PAFAH1B1: variants seen among roughly 807,000 people sequenced by gnomAD.
The protein encoded by PAFAH1B1 is platelet-activating factor acetylhydrolase IB subunit beta.
In PAFAH1B1, 2 loss-of-function variants were observed where a neutral mutation model predicts 57.5. The ratio of observed to expected loss-of-function variants is 0.03; its 90% CI spans 0.01 to 0.11. The LOEUF is 0.11. Among genes scored for constraint, PAFAH1B1 ranks in the 10% least tolerant of loss-of-function variants. PAFAH1B1 has a pLI of 1.00. For missense variants in PAFAH1B1, 257 were observed against 512.0 expected (o/e 0.50, Z 4.81); for synonymous variants, 152 against 169.6 (o/e 0.90, Z 0.81).
At chr17:2,666,892 A>G (rs993076655) in intron 4 of PAFAH1B1, 100 bp from the exon 5 acceptor site, 2 of 780,016 alleles carry the variant, frequency 2.6e-6, no homozygotes, top group East Asian at 5.3e-5. Flanking sequence ...TTTTTCAAGT[A>G]TCCTACATAC....
intron 2 of PAFAH1B1, among the ~76,000 whole-genome samples, chr17:2,657,934 A>T (rs2068959408): frequency 6.6e-6 from 1 of 152,216 alleles, no homozygotes; most frequent in Non-Finnish European, 1.5e-5. Flanking sequence ...AAAAATATAA[A>T]TGTTTCAAAC....
intron 1 of PAFAH1B1, among the ~76,000 whole-genome samples, chr17:2,637,513 G>C (rs373161615): frequency 1.3e-5 from 2 of 152,234 alleles, no homozygotes; most frequent in African/African-American, 4.8e-5. Context: ...AAGCCCAGAG[G>C]GGGAAGGCTG....
intron 2 of PAFAH1B1, among the ~76,000 whole-genome samples, chr17:2,644,781 T>C (rs2068744558): frequency 6.6e-6 from 1 of 152,204 alleles, no homozygotes; most frequent in Non-Finnish European, 1.5e-5. Flanking sequence ...GTCTTCCAGA[T>C]GCTTTGTATG....
At chr17:2,608,991 A>G (rs1275347183) in intron 1 of PAFAH1B1, among the ~76,000 whole-genome samples, 1 of 152,210 alleles carries the variant, frequency 6.6e-6, no homozygotes, top group Non-Finnish European at 1.5e-5. Context: ...GAATACTGGC[A>G]GCCTTGTATT....
intron 2 of PAFAH1B1, chr17:2,641,726 G>A (rs906052536): frequency 6.6e-6 from 1 of 152,056 alleles, no homozygotes; most frequent in African/African-American, 2.4e-5. Context: ...CTTCTTAGTG[G>A]CGCATGATAT....
At position 2,685,099 on chromosome 17, in the gene PAFAH1B1, A is replaced by G. The variant is rs1332894905; in HGVS notation, c.*3297A>G. The G allele has an allele frequency of 1.3e-5, 2 of 148,658 alleles. No homozygotes were observed. Among genetic ancestry groups the G allele is most frequent in the East Asian group, 2.0e-4 (1 of 5,076 alleles). The allele number at this position is 148,658 out of a possible 1,614,324, so 9.2% of individuals were successfully genotyped here. A position where few individuals can be genotyped will look rare whatever the true frequency, so the allele number is the denominator to read the frequency against. ...CCAGTGTGTTCATCTAGATGACGCA[A>G]AGAATCTCCTGGTAGAGAAGCGACA... On this transcript the variant is annotated 3_prime_UTR_variant, in exon 11 of 11. Transcript: ENST00000397195.
intron 1 of PAFAH1B1, chr17:2,613,840 G>C (rs1444541882): frequency 3.9e-6 from 1 of 256,766 alleles, no homozygotes. Flanking sequence ...GCAGGAATCC[G>C]TAGCCTGGGA....
Position 2,617,478 on chromosome 17 carries a change from G to A in PAFAH1B1, c.-190-20621G>A, listed in dbSNP as rs192008311. 5.4e-3 allele frequency among the ~76,000 whole-genome samples: 826 copies of A among 152,316 alleles called. 6 individuals carry two copies. The highest frequency in any genetic ancestry group is 0.016 in the South Asian group (78 of 4,830). ...AACTTTTTCAGTGAACCATACCTGA[G>A]CACAGTCCATCCCTCAGTGATTTTA... On this transcript the variant is annotated intron_variant, in intron 1 of 10. Transcript: ENST00000397195.
intron 2 of PAFAH1B1, among the ~76,000 whole-genome samples, chr17:2,645,621 A>AT (rs1275899706): frequency 5.6e-5 from 8 of 143,938 alleles, no homozygotes; most frequent in African/African-American, 2.0e-4. Context: ...ATATATATAT[A>AT]TATTTTTTGT....
At position 2,653,237 on chromosome 17, in the gene PAFAH1B1, A is replaced by T. The variant is rs570280806; in HGVS notation, c.33-12135A>T. The stretch of plus-strand genomic sequence containing the variant: ...TTGAACAATGAGAACAGCTGGACAC[A>T]GGAAGGGGAACATCACACACCAGGG... On this transcript the variant is annotated intron_variant, in intron 2 of 10. Transcript: ENST00000397195. Among the ~76,000 whole-genome samples the T allele has an allele frequency of 7.2e-5, 11 of 152,256 alleles. No individual in the cohort carries two copies. The East Asian group carries it at 1.4e-3, about 19-fold the overall frequency.
At position 2,671,554 on chromosome 17, in the gene PAFAH1B1, A is replaced by C. The variant is rs542219479; in HGVS notation, c.569-1101A>C. On this transcript the variant is annotated intron_variant, in intron 6 of 10. Transcript: ENST00000397195. ...ATCTTCTAGCTGTAACTTTAAAAAG[A>C]GTTCTTTCTAATGCATTTTTTTTTT... Among the ~76,000 whole-genome samples, 84 of 130,390 alleles carry C rather than the reference A, an allele frequency of 6.4e-4. 1 individual carries two copies. The South Asian group carries it at 9.9e-3, about 15-fold the overall frequency. The allele number at this position is 130,390 out of a possible 152,430, so 85.5% of individuals were successfully genotyped here.
chr17:2,669,077 T>G (rs183963209), intron 5 of PAFAH1B1, among the ~76,000 whole-genome samples: 1 of 152,156 alleles, frequency 6.6e-6, no homozygotes, highest in Non-Finnish European at 1.5e-5. Context: ...TTACATATGA[T>G]ACAGTCTTAC....
intron 9 of PAFAH1B1, among the ~76,000 whole-genome samples, chr17:2,678,165 G>A (rs2069301636): frequency 1.3e-5 from 2 of 152,088 alleles, no homozygotes; most frequent in Non-Finnish European, 1.5e-5. Flanking sequence ...ACTTTGGGAG[G>A]CCGAGATGGG....
intron 9 of PAFAH1B1, among the ~76,000 whole-genome samples, chr17:2,679,131 A>C (rs2069321931): frequency 6.6e-6 from 1 of 152,080 alleles, no homozygotes; most frequent in African/African-American, 2.4e-5. Flanking sequence ...TTTTTTATAA[A>C]AATGGTATCA....
intron 1 of PAFAH1B1, among the ~76,000 whole-genome samples, chr17:2,631,623 T>C (rs1165724182): frequency 6.6e-6 from 1 of 152,112 alleles, no homozygotes; most frequent in Non-Finnish European, 1.5e-5. Flanking sequence ...GCTTCTCTAG[T>C]GGGGGTGTGT....
At chr17:2,615,224 T>C (rs530471045) in intron 1 of PAFAH1B1, among the ~76,000 whole-genome samples, 6 of 152,302 alleles carry the variant, frequency 3.9e-5, no homozygotes, top group African/African-American at 1.2e-4. Context: ...TATATGCAAA[T>C]ACTAAGCCAT....
chr17:2,626,472 T>C (rs2068491997), intron 1 of PAFAH1B1, among the ~76,000 whole-genome samples: 1 of 149,164 alleles, frequency 6.7e-6, no homozygotes, highest in Non-Finnish European at 1.5e-5. Context: ...GTGCCTTAGA[T>C]GTTAGCTACT....
chr17:2,633,061 C>T (rs2068574474), intron 1 of PAFAH1B1, among the ~76,000 whole-genome samples: 2 of 152,048 alleles, frequency 1.3e-5, no homozygotes, highest in Admixed American at 6.6e-5. Context: ...TACCCCTGGT[C>T]TGGTTGTCTT....
rs1018195409 is a variant in PAFAH1B1, at chr17:2,627,947, G to A, written c.-190-10152G>A. ...TAATCTTGAATCCAGAAACTTTGCCGAATTCTTTTATCAGTTCTAGGAGCT... is the reference window on the plus strand; with the variant it reads ...TAATCTTGAATCCAGAAACTTTGCCAAATTCTTTTATCAGTTCTAGGAGCT... On this transcript the variant is annotated intron_variant, in intron 1 of 10. Coordinates refer to ENST00000397195, the MANE Select transcript of PAFAH1B1 (RefSeq NM_000430.4). Among the ~76,000 whole-genome samples, 20 of 152,266 alleles carry A rather than the reference G, an allele frequency of 1.3e-4. 1 individual carries two copies. Among genetic ancestry groups the A allele is most frequent in the Admixed American group, 7.2e-4 (11 of 15,282 alleles).
Sources: gnomAD v4.1 joint callset for allele counts (sites outside exome capture counted in the v4.1 genomes callset) on GRCh38, gnomAD v4.1.1 for gene constraint, MANE v1.5 for transcripts, NCBI Gene and HGNC (gene_info 2026-07-23, HGNC 2026-07-21) for gene names.